The following CST4 variants were observed in gnomAD, a reference collection of about 807,000 sequenced individuals.
CST4 encodes cystatin S.
A neutral mutation model predicts 11.2 loss-of-function variants in CST4; 17 were observed. That is an observed-to-expected ratio of 1.52 (90% CI 1.04 to 2.27). CST4 has a LOEUF of 2.27. CST4 is among the 30% of genes most tolerant of loss of function. The pLI, the probability that CST4 is intolerant of heterozygous loss-of-function variation, is 0.00. For missense variants in CST4, 251 were observed against 180.2 expected, an observed-to-expected ratio of 1.39 and a Z score of -2.25; for synonymous variants, 93 against 70.1, an observed-to-expected ratio of 1.33 and a Z score of -1.63.
chr20:23,686,270 T>G (rs890071796), intron 2 of CST4, among the ~76,000 whole-genome samples: 5 of 151,952 alleles, frequency 3.3e-5, no homozygotes, highest in Admixed American at 2.0e-4. Context: ...GCCCCAAGGG[T>G]GCAGGACATG....
chr20:23,686,881 T>G (rs985481930), intron 2 of CST4, among the ~76,000 whole-genome samples: 16 of 149,716 alleles, frequency 1.1e-4, no homozygotes, highest in African/African-American at 2.6e-4. Flanking sequence ...CACTGGCACA[T>G]GTGTGTACAC....
At chr20:23,688,357 T>G (rs1981113735) in intron 1 of CST4, among the ~76,000 whole-genome samples, 1 of 152,088 alleles carries the variant, frequency 6.6e-6, no homozygotes, top group African/African-American at 2.4e-5. Flanking sequence ...GGGAGCCAGG[T>G]TCCCATGTGG....
At position 23,688,999 on chromosome 20, in the gene CST4, G is replaced by A. The variant is rs754946535; in HGVS notation, c.-30C>T. The A allele has an allele frequency of 6.2e-7, 1 of 1,601,962 alleles. No homozygotes were observed. Among genetic ancestry groups the A allele is most frequent in the Non-Finnish European group, 8.5e-7 (1 of 1,171,116 alleles). Reference sequence around the variant, plus strand: ...TCCTCAGAGGCAGAGCACAAAGCTGGAGCTGCAGGAGAGGAGGGTGAGAGC... The same window carrying A: ...TCCTCAGAGGCAGAGCACAAAGCTGAAGCTGCAGGAGAGGAGGGTGAGAGC... On this transcript the variant is annotated 5_prime_UTR_variant, in exon 1 of 3. Transcript: ENST00000217423.
Position 23,685,793 on chromosome 20 carries a change from G to T in CST4, c.*101C>A. ...TGTCTGTCTCTTGGCACAGGCACAT[G>T]GGGAGGCCTCCCGCAGGGTGGGGGC... On this transcript the variant is annotated 3_prime_UTR_variant, in exon 3 of 3. Coordinates refer to ENST00000217423, the MANE Select transcript of CST4 (RefSeq NM_001899.3). The T allele has an allele frequency of 8.2e-6, 10 of 1,216,824 alleles. No homozygotes were observed. The South Asian group carries it at 1.2e-4, about 14-fold the overall frequency. The allele number at this position is 1,216,824 out of a possible 1,614,324, so 75.4% of individuals were successfully genotyped here.
At chr20:23,687,824 C>T (rs925228609) in intron 1 of CST4, among the ~76,000 whole-genome samples, 1 of 152,166 alleles carries the variant, frequency 6.6e-6, no homozygotes, top group African/African-American at 2.4e-5. Flanking sequence ...ATCAGTTTAC[C>T]CATGTATAAA....
At chr20:23,688,135 C>G (rs541617962) in intron 1 of CST4, among the ~76,000 whole-genome samples, 1 of 152,254 alleles carries the variant, frequency 6.6e-6, no homozygotes, top group African/African-American at 2.4e-5. Context: ...AACCCCTCCT[C>G]TGCTCTGCTG....
rs1374878393 is a variant in CST4 at position 23,688,803 on chromosome 20, T to G, written c.167A>C (p.Asn56Thr). 1 of 1,614,154 alleles carries G rather than the reference T, an allele frequency of 6.2e-7. No individual in the cohort carries two copies. Among genetic ancestry groups the G allele is most frequent in the East Asian group, 2.2e-5 (1 of 44,850 alleles). ...GTAGTACTCATCTTCGGTGGCCTTG[T>G]TGTACTCGCTGATGGCGAAGTGAAG... ...RALHFAISEY[N>T]KATEDEYYRR... Residue 56 changes from asparagine (N) to threonine (T), a missense_variant, in exon 1 of 3, where the codon AAC becomes ACC. Transcript: ENST00000217423.
chr20:23,687,341 C>G, intron 1 of CST4, 140 bp from the exon 2 acceptor site: 1 of 806,734 alleles, frequency 1.2e-6, no homozygotes. Flanking sequence ...GCACACAAGC[C>G]CCCTCTTCCT....
Position 23,688,959 on chromosome 20 carries a change from G to A in CST4, c.11C>T (p.Pro4Leu). The change falls in exon 1 of 3, where the codon CCT becomes CTT. Residue 4 changes from proline (P) to leucine (L), a missense_variant. By Grantham distance (98) the Pro-to-Leu change is moderately conservative. Transcript: ENST00000217423. ...CATCAGGAGTAGCAGGGTACACAGAGGCCGGGCCATGGTCTCCTCAGAGGC... is the reference window on the plus strand; with the variant it reads ...CATCAGGAGTAGCAGGGTACACAGAAGCCGGGCCATGGTCTCCTCAGAGGC... MARPLCTLLLLMAT... is the reference protein window; with the variant it reads MARLLCTLLLLMAT... The A allele has an allele frequency of 6.2e-7, 1 of 1,613,962 alleles. No individual in the cohort carries two copies. The highest frequency in any genetic ancestry group is 8.5e-7 in the Non-Finnish European group (1 of 1,179,942).
At position 23,688,915 on chromosome 20, in the gene CST4, G is replaced by A. The variant is rs1331158917; in HGVS notation, c.55C>T (p.Leu19=). ...LLLMATLAGA[L]ASSSKEENRI... ...TTCTCCTCCTTGGAGCTCGAGGCCA[G>A]AGCCCCAGCCAGGGTAGCCATCAGG... Residue 19 remains leucine (L), a synonymous_variant, in exon 1 of 3, where the codon CTG becomes TTG. Transcript: ENST00000217423. 11 of 1,614,076 alleles carry A rather than the reference G, an allele frequency of 6.8e-6. No individual in the cohort carries two copies.
At chr20:23,687,794 A>G (rs1372342117) in intron 1 of CST4, among the ~76,000 whole-genome samples, 1 of 152,214 alleles carries the variant, frequency 6.6e-6, no homozygotes, top group African/African-American at 2.4e-5. Flanking sequence ...ACCAGGAGGA[A>G]CTGCTGAGAT....
In CST4 at chr20:23,688,817, G is replaced by T. The variant is rs141345403; in HGVS notation, c.153C>A (p.Ala51=). ...CGGTGGCCTTGTTGTACTCGCTGAT[G>T]GCGAAGTGAAGGGCACGCTGTACCC... ...DEWVQRALHF[A]ISEYNKATED... The change falls in exon 1 of 3, where the codon GCC becomes GCA. Residue 51 remains alanine (A), a synonymous_variant. Coordinates refer to ENST00000217423, the MANE Select transcript of CST4 (RefSeq NM_001899.3). 6.2e-7 allele frequency: 1 copy of T among 1,614,166 alleles called. No homozygotes were observed. Among genetic ancestry groups the T allele is most frequent in the Non-Finnish European group, 8.5e-7 (1 of 1,180,030 alleles).
intron 1 of CST4, among the ~76,000 whole-genome samples, chr20:23,688,194 T>C (rs1981108310): frequency 6.6e-6 from 1 of 152,172 alleles, no homozygotes. Context: ...CATCAGCTCG[T>C]AGAGGCAGGG....
At chr20:23,687,282 C>T (rs1981080738) in intron 1 of CST4, 81 bp from the exon 2 acceptor site, 6 of 1,285,304 alleles carry the variant, frequency 4.7e-6, no homozygotes, top group Non-Finnish European at 6.8e-6. Flanking sequence ...GTGGCTGAGT[C>T]ACTGGACTTG....
At chr20:23,686,723 C>CT (rs1398670309) in intron 2 of CST4, among the ~76,000 whole-genome samples, 8 of 152,120 alleles carry the variant, frequency 5.3e-5, no homozygotes, top group South Asian at 2.1e-4. Context: ...ACACATCACC[C>CT]CCTCCCTCAC....
rs746679960 is a variant in CST4 at position 23,687,201 on chromosome 20, T to A, written c.229A>T (p.Thr77Ser). 17 of 1,613,802 alleles carry A rather than the reference T, an allele frequency of 1.1e-5. No homozygotes were observed. The highest frequency in any genetic ancestry group is 1.4e-5 in the Non-Finnish European group (17 of 1,180,004). ...PLQVLRAREQ[T>S]FGGVNYFFDV... ...AAGAAGTAATTCACCCCCCCAAAGGTCTGCACACAGGAGAAAACAGGAAGC... is the reference window on the plus strand; with the variant it reads ...AAGAAGTAATTCACCCCCCCAAAGGACTGCACACAGGAGAAAACAGGAAGC... The change falls in exon 2 of 3, where the codon ACC becomes TCC. Residue 77 changes from threonine (T) to serine (S), a missense_variant and splice_region_variant. Physicochemically the swap from Thr to Ser is moderately conservative, Grantham distance 58 (BLOSUM62 1). Transcript: ENST00000217423.
At chr20:23,688,605 G>C in intron 1 of CST4, 137 bp downstream of exon 1, 2 of 815,122 alleles carry the variant, frequency 2.5e-6, no homozygotes, top group Non-Finnish European at 4.0e-6. Flanking sequence ...GGGCATCAGC[G>C]GAGAGTCAGA....
At chr20:23,687,243 T>A (rs778946238) in intron 1 of CST4, 42 bp from the exon 2 acceptor site, 1 of 1,607,594 alleles carries the variant, frequency 6.2e-7, no homozygotes, top group Admixed American at 1.7e-5. Flanking sequence ...AGCGCCCCCA[T>A]CAGTTCATGC....
At chr20:23,687,026 G>C in intron 2 of CST4, 62 bp downstream of exon 2, 5 of 1,605,584 alleles carry the variant, frequency 3.1e-6, no homozygotes, top group Non-Finnish European at 4.3e-6. Flanking sequence ...TAGGACAGAG[G>C]CTGACACATA....
Sources: allele counts gnomAD v4.1 joint callset (sites outside exome capture counted in the v4.1 genomes callset), GRCh38; gene constraint gnomAD v4.1.1; transcripts MANE v1.5; gene names NCBI Gene and HGNC (gene_info 2026-07-23, HGNC 2026-07-21).